The following ZNF721 variants were observed in gnomAD, a reference collection of about 807,000 sequenced individuals.
ZNF721 encodes the protein zinc finger protein 721.
A neutral mutation model predicts 2.4 loss-of-function variants in ZNF721; 2 were observed. The ratio of observed to expected loss-of-function variants is 0.82; its 90% confidence interval spans 0.34 to 2.58. The LOEUF is 2.58. ZNF721 is among the 30% of genes most tolerant of loss of function. The pLI is 0.11. For synonymous variants in ZNF721, 398 were observed against 381.8 expected, an observed-to-expected ratio of 1.04 and a Z score of -0.50; for missense variants, 1,187 against 1,085.5, an observed-to-expected ratio of 1.09 and a Z score of -1.31.
intron 2 of ZNF721, among the ~76,000 whole-genome samples, chr4:469,513 G>A (rs2108709701): frequency 6.6e-6 from 1 of 152,278 alleles, no homozygotes; most frequent in African/African-American, 2.4e-5. Flanking sequence ...AAAGTGATTT[G>A]TAGATTCAAA....
At chr4:462,079 T>C (rs1715089205) in intron 2 of ZNF721, among the ~76,000 whole-genome samples, 1 of 152,190 alleles carries the variant, frequency 6.6e-6, no homozygotes, top group African/African-American at 2.4e-5. Context: ...AAAACTGATT[T>C]GTAAAAATCA....
chr4:451,650 T>C (rs1221662277), intron 2 of ZNF721, among the ~76,000 whole-genome samples: 1 of 152,250 alleles, frequency 6.6e-6, no homozygotes, highest in East Asian at 1.9e-4. Context: ...TTTATTCTTA[T>C]TCTGCATTGC....
intron 2 of ZNF721, among the ~76,000 whole-genome samples, chr4:458,751 C>A (rs948850916): frequency 6.6e-6 from 1 of 152,026 alleles, no homozygotes; most frequent in Non-Finnish European, 1.5e-5. Flanking sequence ...GAGGCTAAGG[C>A]AGGAAAATCG....
At chr4:474,446 A>G (rs1468892303) in intron 1 of ZNF721, among the ~76,000 whole-genome samples, 1 of 152,212 alleles carries the variant, frequency 6.6e-6, no homozygotes, top group Non-Finnish European at 1.5e-5. Flanking sequence ...GCGCGCGCAC[A>G]CACACAGACA....
At position 472,639 on chromosome 4, in the gene ZNF721, G is replaced by A; in HGVS notation, c.-31C>T. 5.6e-6 allele frequency: 9 copies of A among 1,613,984 alleles called. No individual in the cohort carries two copies. The highest frequency in any genetic ancestry group is 5.9e-6 in the Non-Finnish European group (7 of 1,180,002). ...CTCTATACAAATTCTGCTGGGCAGG[G>A]TCCAGGCATTTCCACTCTTCTGGAG... On this transcript the variant is annotated 5_prime_UTR_variant, in exon 2 of 3. Transcript: ENST00000511833.
intron 2 of ZNF721, among the ~76,000 whole-genome samples, chr4:448,992 T>C (rs1714566431): frequency 6.6e-6 from 1 of 152,142 alleles, no homozygotes; most frequent in Admixed American, 6.5e-5. Context: ...AGACAGAAAC[T>C]GTATGAATCA....
At chr4:486,963 G>T (rs1196660082) in intron 1 of ZNF721, among the ~76,000 whole-genome samples, 1 of 152,118 alleles carries the variant, frequency 6.6e-6, no homozygotes, top group East Asian at 1.9e-4. Context: ...CCCCTTGAAG[G>T]TCCAGGAAAC....
intron 1 of ZNF721, among the ~76,000 whole-genome samples, chr4:490,763 G>T (rs1315554433): frequency 1.3e-5 from 2 of 152,084 alleles, no homozygotes; most frequent in South Asian, 2.1e-4. Flanking sequence ...TTTATAAGTG[G>T]ATGTAACCTT....
At chr4:471,411 T>C (rs1715428566) in intron 2 of ZNF721, among the ~76,000 whole-genome samples, 1 of 152,154 alleles carries the variant, frequency 6.6e-6, no homozygotes, top group South Asian at 2.1e-4. Context: ...ACAACATGGA[T>C]AGACTTGGAG....
At chr4:481,651 C>T (rs1715772623) in intron 1 of ZNF721, among the ~76,000 whole-genome samples, 1 of 151,818 alleles carries the variant, frequency 6.6e-6, no homozygotes, top group South Asian at 2.1e-4. Flanking sequence ...TCATTGCAAC[C>T]TCCACATAAG....
At chr4:452,746 T>C (rs1228647068) in intron 2 of ZNF721, among the ~76,000 whole-genome samples, 1 of 152,106 alleles carries the variant, frequency 6.6e-6, no homozygotes, top group Non-Finnish European at 1.5e-5. Flanking sequence ...CAAGAAGCAA[T>C]TGTTAGCTTT....
At chr4:497,250 G>A (rs1716181470) in intron 1 of ZNF721, among the ~76,000 whole-genome samples, 2 of 151,824 alleles carry the variant, frequency 1.3e-5, no homozygotes, top group South Asian at 4.2e-4. Flanking sequence ...ATAAACCTCA[G>A]ACCCCCCACC....
rs782766447 is a variant in ZNF721, at chr4:443,891, A to G, written c.576T>C (p.Ala192=). Residue 192 remains alanine, a synonymous_variant, in exon 3 of 3, where the codon GCT becomes GCC. Coordinates refer to ENST00000511833, the MANE Select transcript of ZNF721 (RefSeq NM_133474.4). ...CTCTGTCACGATCTTCACCTGTGTAAGCTTTCTCTCTGTTGTGAATTCTCT... is the reference window on the plus strand; with the variant it reads ...CTCTGTCACGATCTTCACCTGTGTAGGCTTTCTCTCTGTTGTGAATTCTCT... The part of the protein sequence containing the change: ...AHKRIHNREK[A]YTGEDRDRAF... 6.2e-7 allele frequency: 1 copy of G among 1,613,402 alleles called. No individual in the cohort carries two copies. The highest frequency in any genetic ancestry group is 1.7e-5 in the Admixed American group (1 of 59,972).
At position 441,913 on chromosome 4, in the gene ZNF721, G is replaced by A. The variant is rs1714253624; in HGVS notation, c.2554C>T (p.Leu852Phe). Residue 852 changes from leucine (L) to phenylalanine (F), a missense_variant, in exon 3 of 3, where the codon CTT becomes TTT. Physicochemically the swap from Leu to Phe is conservative, Grantham distance 22. Coordinates refer to ENST00000511833, the MANE Select transcript of ZNF721 (RefSeq NM_133474.4). ...GTATGAATTCTCCTATGTACATAAA[G>A]GATTGCTGACTGTCTAAAGGCTTTG... Reference protein sequence around the residue: ...CGKAFRQSAILYVHRRIHTGE... With the variant: ...CGKAFRQSAIFYVHRRIHTGE... The A allele has an allele frequency of 6.2e-7, 1 of 1,613,850 alleles. No homozygotes were observed. Among genetic ancestry groups the A allele is most frequent in the South Asian group, 1.1e-5 (1 of 91,084 alleles).
chr4:477,913 T>C (rs1409224039), intron 1 of ZNF721, among the ~76,000 whole-genome samples: 1 of 152,134 alleles, frequency 6.6e-6, no homozygotes, highest in Non-Finnish European at 1.5e-5. Flanking sequence ...TGCATGTATG[T>C]CAGCTGACAA....
At chr4:476,774 G>A (rs1404074762) in intron 1 of ZNF721, among the ~76,000 whole-genome samples, 4 of 152,176 alleles carry the variant, frequency 2.6e-5, no homozygotes, top group African/African-American at 9.7e-5. Flanking sequence ...TTCTCTCATG[G>A]TTGTAGTTCT....
chr4:449,190 T>C (rs79315217), intron 2 of ZNF721, among the ~76,000 whole-genome samples: 5,363 of 152,190 alleles, frequency 0.035, 152 homozygotes, highest in Non-Finnish European at 0.051. Context: ...TATTTAAAAA[T>C]ATATGATTGT....
chr4:470,675 C>T (rs1252793473), intron 2 of ZNF721, among the ~76,000 whole-genome samples: 2 of 152,174 alleles, frequency 1.3e-5, no homozygotes, highest in African/African-American at 4.8e-5. Flanking sequence ...GATCATGCTA[C>T]TGTACTCCAG....
At chr4:496,844 C>T (rs1488876162) in intron 1 of ZNF721, among the ~76,000 whole-genome samples, 3 of 150,004 alleles carry the variant, frequency 2.0e-5, no homozygotes, top group African/African-American at 7.3e-5. Context: ...TTTTGAGTAG[C>T]TGGGACTACA....
Sources: gnomAD v4.1 joint callset for allele counts (sites outside exome capture counted in the v4.1 genomes callset) on GRCh38, gnomAD v4.1.1 for gene constraint, MANE v1.5 for transcripts, NCBI Gene and HGNC (gene_info 2026-07-23, HGNC 2026-07-21) for gene names.